Variants in LCMT1 observed in about 807,000 individuals in gnomAD.
LCMT1 encodes the protein leucine carboxyl methyltransferase 1, also known as [Phosphatase 2A protein]-leucine-carboxy methyltransferase 1.
Under a neutral mutation model 47.7 loss-of-function variants are expected in LCMT1, and 32 were observed. The ratio of observed to expected loss-of-function variants is 0.67; its 90% confidence interval spans 0.51 to 0.90. The LOEUF is 0.90. Among genes scored for constraint, LCMT1 ranks in the 40% least tolerant of loss-of-function variants. The pLI is 0.00. For missense variants in LCMT1, 375 were observed against 415.2 expected, an observed-to-expected ratio of 0.90 and a Z score of 0.84; for synonymous variants, 152 against 149.7, an observed-to-expected ratio of 1.02 and a Z score of -0.11.
At chr16:25,118,477 A>G (rs772724189) in intron 1 of LCMT1, among the ~76,000 whole-genome samples, 29 of 152,148 alleles carry the variant, frequency 1.9e-4, no homozygotes, top group Admixed American at 2.6e-4. Context: ...GCCAATGCAG[A>G]AGTGAGCCAA....
chr16:25,113,011 G>C (rs187341459), intron 1 of LCMT1, among the ~76,000 whole-genome samples: 1 of 151,982 alleles, frequency 6.6e-6, no homozygotes, highest in East Asian at 1.9e-4. Flanking sequence ...TGTGGTGGCG[G>C]GCGCCTGTAA....
At chr16:25,161,829 AC>A (rs982751436) in intron 6 of LCMT1, among the ~76,000 whole-genome samples, 1 of 150,798 alleles carries the variant, frequency 6.6e-6, no homozygotes, top group African/African-American at 2.4e-5. Flanking sequence ...AAAAAAAAAA[AC>A]CTCAGAAAAA....
In LCMT1 at chr16:25,140,208, A is replaced by G. The variant is rs764291403; in HGVS notation, c.365A>G (p.Asp122Gly). The G allele has an allele frequency of 3.1e-6, 5 of 1,609,106 alleles. No homozygotes were observed. The highest frequency in any genetic ancestry group is 1.7e-4 in the Middle Eastern group (1 of 6,056). The change falls in exon 4 of 11, where the codon GAC (aspartate) becomes GGC (glycine). Residue 122 changes from aspartate to glycine, a missense_variant. Coordinates refer to ENST00000399069, the MANE Select transcript of LCMT1 (RefSeq NM_016309.3). ...CTCCCAAGTAAATATTTTGAGGTTGACTTTCCAATGATTGTCACGAGAAAG... is the reference window on the plus strand; with the variant it reads ...CTCCCAAGTAAATATTTTGAGGTTGGCTTTCCAATGATTGTCACGAGAAAG... ...DLLPSKYFEVDFPMIVTRKLH... is the reference protein window; with the variant it reads ...DLLPSKYFEVGFPMIVTRKLH...
intron 5 of LCMT1, among the ~76,000 whole-genome samples, chr16:25,160,452 C>T (rs1251689116): frequency 1.3e-5 from 2 of 152,206 alleles, no homozygotes; most frequent in Admixed American, 6.5e-5. Context: ...TACATTAGTA[C>T]ATAAACTGTC....
chr16:25,168,391 G>A (rs1018344760), intron 7 of LCMT1, among the ~76,000 whole-genome samples: 2 of 152,180 alleles, frequency 1.3e-5, no homozygotes, highest in Admixed American at 1.3e-4. Context: ...TACTACAATG[G>A]TGTACACTAA....
chr16:25,166,830 G>A (rs915822405), intron 7 of LCMT1, among the ~76,000 whole-genome samples: 2 of 151,974 alleles, frequency 1.3e-5, no homozygotes, highest in African/African-American at 4.8e-5. Flanking sequence ...AATTGGGAGC[G>A]CTCCTCAGAC....
At chr16:25,170,864 G>A in intron 9 of LCMT1, 59 bp downstream of exon 9, 1 of 1,070,112 alleles carries the variant, frequency 9.3e-7, no homozygotes, top group South Asian at 1.4e-5. Context: ...AGGCATGATT[G>A]CCTGTATTCT....
At chr16:25,141,949 A>G (rs1960707377) in intron 4 of LCMT1, 1 of 152,336 alleles carries the variant, frequency 6.6e-6, no homozygotes, top group Admixed American at 6.5e-5. Flanking sequence ...AATTAGCCCT[A>G]TTGCCTTTTT....
intron 3 of LCMT1, 40 bp downstream of exon 3, chr16:25,132,563 AT>A (rs747711335): frequency 6.3e-6 from 10 of 1,597,972 alleles, no homozygotes; most frequent in South Asian, 4.5e-5. Context: ...AAGTGTTTAG[AT>A]TTTTTTCGTT....
At chr16:25,166,129 G>T (rs1004894388) in intron 7 of LCMT1, among the ~76,000 whole-genome samples, 1 of 151,886 alleles carries the variant, frequency 6.6e-6, no homozygotes, top group Non-Finnish European at 1.5e-5. Context: ...AATTAGCCAG[G>T]CATGGTGGCG....
chr16:25,177,975 T>A, intron 10 of LCMT1, 26 bp from the exon 11 acceptor site: 1 of 1,612,270 alleles, frequency 6.2e-7, no homozygotes, highest in Non-Finnish European at 8.5e-7. Flanking sequence ...AGTCTCCTAA[T>A]GGTGTCTGTG....
chr16:25,149,211 A>G (rs556454415), intron 4 of LCMT1, among the ~76,000 whole-genome samples: 1 of 152,324 alleles, frequency 6.6e-6, no homozygotes, highest in South Asian at 2.1e-4. Context: ...ACAAATTCGT[A>G]ACATTTCTTA....
At chr16:25,122,900 C>T (rs978252328) in intron 1 of LCMT1, among the ~76,000 whole-genome samples, 1 of 152,100 alleles carries the variant, frequency 6.6e-6, no homozygotes, top group African/African-American at 2.4e-5. Flanking sequence ...ATCCTCCTGC[C>T]TCAGTCTCCT....
rs1959612495 is a variant in LCMT1, at chr16:25,111,759, G to A, written c.-125G>A. ...TGGGCGGCGTCACTGAGCCGCGCCA[G>A]CTGAGCCAGGTAGGGCCCTACCCTC... is the stretch of plus-strand genomic sequence containing the variant. On this transcript the variant is annotated 5_prime_UTR_variant, in exon 1 of 11. Transcript: ENST00000399069. 8 of 652,948 alleles carry A rather than the reference G, an allele frequency of 1.2e-5. No individual in the cohort carries two copies. In the East Asian group the frequency reaches 2.2e-4, roughly 18 times the overall value. The allele number at this position is 652,948 out of a possible 1,614,324, so 40.4% of individuals were successfully genotyped here. A position where few individuals can be genotyped will look rare whatever the true frequency, so the allele number is the denominator to read the frequency against.
At chr16:25,145,952 T>C (rs1597583948) in intron 4 of LCMT1, 1 of 152,314 alleles carries the variant, frequency 6.6e-6, no homozygotes. Context: ...AGCAGGTGGA[T>C]TCCCTGTTCT....
intron 1 of LCMT1, among the ~76,000 whole-genome samples, chr16:25,113,654 A>T (rs1959698422): frequency 6.6e-6 from 1 of 152,168 alleles, no homozygotes; most frequent in Non-Finnish European, 1.5e-5. Context: ...AGTGGATTAT[A>T]CTCAGCTTTT....
At chr16:25,175,453 G>A (rs949611654) in intron 10 of LCMT1, among the ~76,000 whole-genome samples, 25 of 145,562 alleles carry the variant, frequency 1.7e-4, no homozygotes, top group African/African-American at 5.7e-4. Flanking sequence ...ATGAAACCCC[G>A]TCTCTACTAA....
rs1483372353 is a variant in LCMT1, at chr16:25,111,926, TC to T, written c.45del (p.Thr16ProfsTer26). ...GGAATCCTCTATCACCTCCTGCTGT[TC>T]CACCTCGAGCTGCGACGCAGACGAC... ...QRESSITSCC[S>X]TSSCDADDEG... On this transcript the variant is annotated frameshift_variant, in exon 1 of 11. Coordinates refer to ENST00000399069, the MANE Select transcript of LCMT1 (RefSeq NM_016309.3). LOFTEE classifies it high-confidence loss of function. 6.2e-7 allele frequency: 1 copy of T among 1,613,496 alleles called. No homozygotes were observed. Among genetic ancestry groups the T allele is most frequent in the Non-Finnish European group, 8.5e-7 (1 of 1,179,754 alleles).
chr16:25,138,757 C>T (rs534596906), intron 3 of LCMT1, among the ~76,000 whole-genome samples: 14 of 152,258 alleles, frequency 9.2e-5, no homozygotes, highest in Admixed American at 7.2e-4. Context: ...CTTTCCAGCA[C>T]GTTGTGCAGT....
Sources: allele counts gnomAD v4.1 joint callset (sites outside exome capture counted in the v4.1 genomes callset), GRCh38; gene constraint gnomAD v4.1.1; transcripts MANE v1.5; gene names NCBI Gene and HGNC (gene_info 2026-07-23, HGNC 2026-07-21).